NPAS3: variants seen among roughly 807,000 people sequenced by gnomAD.
NPAS3 encodes neuronal PAS domain protein 3, also known as neuronal PAS domain-containing protein 3.
In NPAS3, 14 loss-of-function variants were observed where a neutral mutation model predicts 73.1. The ratio of observed to expected loss-of-function variants is 0.19; its 90% confidence interval spans 0.13 to 0.30. The LOEUF is 0.30. Among genes scored for constraint, NPAS3 ranks in the 10% least tolerant of loss-of-function variants. The pLI, the probability that NPAS3 is intolerant of heterozygous loss-of-function variation, is 1.00. For missense variants in NPAS3, 1,096 were observed against 1,250.0 expected, an observed-to-expected ratio of 0.88 and a Z score of 1.86; for synonymous variants, 620 against 541.5, an observed-to-expected ratio of 1.14 and a Z score of -2.01.
intron 1 of NPAS3, among the ~76,000 whole-genome samples, chr14:33,004,815 T>A (rs1052049326): frequency 1.8e-5 from 2 of 113,818 alleles, no homozygotes; most frequent in African/African-American, 7.7e-5. Flanking sequence ...TAAAAAGTTT[T>A]CCTTTTTTTT....
intron 4 of NPAS3, among the ~76,000 whole-genome samples, chr14:33,385,538 A>C (rs1322317404): frequency 6.6e-6 from 1 of 152,156 alleles, no homozygotes; most frequent in Non-Finnish European, 1.5e-5. Flanking sequence ...AAAACTGACA[A>C]AACAGGTAAG....
At chr14:32,975,894 T>TGAGAGA (rs200270502) in intron 1 of NPAS3, among the ~76,000 whole-genome samples, 3 of 139,532 alleles carry the variant, frequency 2.2e-5, no homozygotes, top group Admixed American at 7.2e-5. Flanking sequence ...TGTGTGTGTG[T>TGAGAGA]GTGAGAGAGA....
intron 5 of NPAS3, among the ~76,000 whole-genome samples, chr14:33,675,966 A>T (rs2059750891): frequency 6.6e-6 from 1 of 152,066 alleles, no homozygotes; most frequent in Non-Finnish European, 1.5e-5. Flanking sequence ...CTTTATGCAA[A>T]CAACAGTGTG....
At chr14:33,350,627 T>C (rs1017643657) in intron 3 of NPAS3, among the ~76,000 whole-genome samples, 8 of 152,350 alleles carry the variant, frequency 5.3e-5, no homozygotes, top group African/African-American at 1.7e-4. Context: ...AGTTTCATGT[T>C]ACAACTACTA....
At chr14:33,106,906 C>T (rs1301674234) in intron 2 of NPAS3, among the ~76,000 whole-genome samples, 1 of 152,122 alleles carries the variant, frequency 6.6e-6, no homozygotes, top group Non-Finnish European at 1.5e-5. Flanking sequence ...TACAGTGACA[C>T]ATCTGAAAAC....
At chr14:33,455,309 G>C (rs970690935) in intron 4 of NPAS3, among the ~76,000 whole-genome samples, 6 of 152,238 alleles carry the variant, frequency 3.9e-5, no homozygotes, top group East Asian at 3.9e-4. Flanking sequence ...GATGGTTTTG[G>C]GGGGTGGGTA....
chr14:33,198,380 C>T (rs1166142916), intron 2 of NPAS3, among the ~76,000 whole-genome samples: 1 of 152,126 alleles, frequency 6.6e-6, no homozygotes, highest in African/African-American at 2.4e-5. Context: ...CTGATTGGTC[C>T]ATTTTGACAG....
intron 4 of NPAS3, among the ~76,000 whole-genome samples, chr14:33,530,399 G>T (rs1256614530): frequency 6.6e-6 from 1 of 152,148 alleles, no homozygotes; most frequent in Admixed American, 6.5e-5. Context: ...GGGCATTGAA[G>T]CAATTAGCAT....
intron 3 of NPAS3, among the ~76,000 whole-genome samples, chr14:33,269,510 T>C (rs1500720): frequency 0.55 from 83,939 of 152,044 alleles, 24,108 homozygotes; most frequent in Non-Finnish European, 0.64. Context: ...GATAAGGAAA[T>C]GTGCAAATAA....
intron 5 of NPAS3, among the ~76,000 whole-genome samples, chr14:33,566,006 C>T (rs1355968058): frequency 6.6e-6 from 1 of 152,066 alleles, no homozygotes; most frequent in Non-Finnish European, 1.5e-5. Flanking sequence ...AAAAGTTCAT[C>T]ACTTCTGGGT....
intron 1 of NPAS3, among the ~76,000 whole-genome samples, chr14:33,042,684 C>G (rs190876682): frequency 2.5e-4 from 38 of 152,254 alleles, no homozygotes; most frequent in Middle Eastern, 3.4e-3. Flanking sequence ...TTTAGCATTT[C>G]AATTTTAAAG....
intron 7 of NPAS3, among the ~76,000 whole-genome samples, chr14:33,750,228 T>C (rs1173273289): frequency 1.3e-5 from 2 of 151,062 alleles, no homozygotes; most frequent in African/African-American, 2.5e-5. Flanking sequence ...TTTTTTTTTT[T>C]CTTACAGCAT....
chr14:33,630,384 C>T (rs1468919769), intron 5 of NPAS3, among the ~76,000 whole-genome samples: 1 of 152,184 alleles, frequency 6.6e-6, no homozygotes, highest in Non-Finnish European at 1.5e-5. Flanking sequence ...ATGGCTCCAG[C>T]CCCCTCCTAA....
chr14:33,704,726 C>T (rs2060611291), intron 6 of NPAS3, among the ~76,000 whole-genome samples: 2 of 152,184 alleles, frequency 1.3e-5, no homozygotes, highest in Admixed American at 6.5e-5. Flanking sequence ...AGGTCAAGAG[C>T]AGAGTAACTG....
chr14:33,776,027 C>T (rs73260680), intron 8 of NPAS3, among the ~76,000 whole-genome samples: 8,764 of 152,228 alleles, frequency 0.058, 795 homozygotes, highest in African/African-American at 0.19. Flanking sequence ...GATTCAAAAG[C>T]CCATGTAGTT....
chr14:33,166,250 TC>T lies in NPAS3; in HGVS notation c.141-48930del, dbSNP rs1471556327. Among the ~76,000 whole-genome samples the T allele has an allele frequency of 2.0e-5, 3 of 152,308 alleles. No homozygotes were observed. In the South Asian group the frequency reaches 6.2e-4, roughly 32 times the overall value. ...CTTTTCATTTGGCACTGGGCTTTACTCCTCACATAGCTGGTCTTACCTGTTC... is the reference window on the plus strand; with the variant it reads ...CTTTTCATTTGGCACTGGGCTTTACTCTCACATAGCTGGTCTTACCTGTTC... On this transcript the variant is annotated intron_variant, in intron 2 of 11. Transcript: ENST00000356141.
chr14:33,561,250 G>T (rs1053335842), intron 5 of NPAS3, among the ~76,000 whole-genome samples: 4 of 152,240 alleles, frequency 2.6e-5, no homozygotes, highest in Admixed American at 1.3e-4. Flanking sequence ...ATCCAGCAAG[G>T]CTGGACTCTT....
chr14:33,235,771 C>T (rs560951579), intron 3 of NPAS3, among the ~76,000 whole-genome samples: 56 of 144,624 alleles, frequency 3.9e-4, no homozygotes, highest in African/African-American at 1.4e-3. Context: ...GTACATCTTG[C>T]GTACAAAAGA....
intron 4 of NPAS3, among the ~76,000 whole-genome samples, chr14:33,529,656 TAAGC>T (rs1247906342): frequency 6.6e-6 from 1 of 151,998 alleles, no homozygotes; most frequent in Non-Finnish European, 1.5e-5. Flanking sequence ...TTTTTTTTCT[TAAGC>T]ATGTTGGCTG....
Sources: gnomAD v4.1 joint callset for allele counts (sites outside exome capture counted in the v4.1 genomes callset) on GRCh38, gnomAD v4.1.1 for gene constraint, MANE v1.5 for transcripts, NCBI Gene and HGNC (gene_info 2026-07-23, HGNC 2026-07-21) for gene names.